The following SGCZ variants were observed in gnomAD, a reference collection of about 807,000 sequenced individuals.
SGCZ encodes sarcoglycan zeta.
Under a neutral mutation model 41.3 loss-of-function variants are expected in SGCZ, and 40 were observed. The observed-to-expected ratio is 0.97, with a 90% CI of 0.75 to 1.26. The LOEUF (loss-of-function observed/expected upper bound fraction) is 1.26, where lower values mean the gene tolerates loss of function less well. Ranked by LOEUF, SGCZ falls within the 50% of genes most tolerant of loss-of-function variation. The probability of loss-of-function intolerance (pLI) is 0.00; values close to 1 mark genes in which losing one functional copy is unlikely to be tolerated. For missense variants in SGCZ, 552 were observed against 369.8 expected, an observed-to-expected ratio of 1.49 and a Z score of -4.04; for synonymous variants, 206 against 137.5, an observed-to-expected ratio of 1.50 and a Z score of -3.49.
At chr8:14,892,439 C>T (rs1283633224) in intron 1 of SGCZ, among the ~76,000 whole-genome samples, 1 of 152,152 alleles carries the variant, frequency 6.6e-6, no homozygotes, top group East Asian at 1.9e-4. Context: ...TAAAGGAACT[C>T]TGTAACATTT....
At chr8:14,501,944 G>C (rs918789998) in intron 2 of SGCZ, among the ~76,000 whole-genome samples, 4 of 151,942 alleles carry the variant, frequency 2.6e-5, no homozygotes, top group South Asian at 2.1e-4. Flanking sequence ...ATTACGCTTA[G>C]AAAAGAAAAT....
intron 1 of SGCZ, among the ~76,000 whole-genome samples, chr8:15,163,634 T>C (rs1799575521): frequency 6.6e-6 from 1 of 152,242 alleles, no homozygotes; most frequent in Non-Finnish European, 1.5e-5. Context: ...AGTAAATTAC[T>C]GCTAAGTTTA....
intron 1 of SGCZ, among the ~76,000 whole-genome samples, chr8:14,849,846 A>C (rs899769365): frequency 6.6e-6 from 1 of 152,150 alleles, no homozygotes; most frequent in Non-Finnish European, 1.5e-5. Flanking sequence ...AAATTATAGC[A>C]CTCCAAGTAC....
chr8:14,135,873 A>G (rs920663457), intron 5 of SGCZ, among the ~76,000 whole-genome samples: 60 of 152,214 alleles, frequency 3.9e-4, no homozygotes, highest in Non-Finnish European at 1.5e-4. Flanking sequence ...CCAAAATACT[A>G]TAGACCCTGG....
At chr8:15,100,185 T>C (rs1485925089) in intron 1 of SGCZ, among the ~76,000 whole-genome samples, 2 of 152,162 alleles carry the variant, frequency 1.3e-5, no homozygotes, top group South Asian at 2.1e-4. Context: ...GATGACTTGA[T>C]TGTCTATGCA....
At chr8:14,397,690 A>G (rs1798957613) in intron 2 of SGCZ, among the ~76,000 whole-genome samples, 1 of 152,166 alleles carries the variant, frequency 6.6e-6, no homozygotes, top group African/African-American at 2.4e-5. Context: ...TCCTGATTCA[A>G]TATGAAGGGC....
In SGCZ at chr8:14,551,746, C is replaced by T. The variant is rs1375768309; in HGVS notation, c.234+2986G>A. Among the ~76,000 whole-genome samples the T allele has an allele frequency of 3.6e-5, 4 of 111,588 alleles. 1 individual carries two copies. In the South Asian group the frequency reaches 7.4e-4, roughly 21 times the overall value. 73.2% of individuals were successfully genotyped at this position (111,588 alleles called of 152,430 possible). ...TCATCCTGTAATATAAAGTCATTTC[C>T]TTTTTTGGTTTTCTACAACTGGGTA... On this transcript the variant is annotated intron_variant, in intron 2 of 7. Coordinates refer to ENST00000382080, the MANE Select transcript of SGCZ (RefSeq NM_139167.4).
intron 4 of SGCZ, among the ~76,000 whole-genome samples, chr8:14,186,053 TC>T (rs1305458067): frequency 6.6e-6 from 1 of 152,200 alleles, no homozygotes; most frequent in Non-Finnish European, 1.5e-5. Flanking sequence ...ATTTATTTTT[TC>T]CTTCTATAAT....
chr8:15,188,955 G>C (rs1034052317), intron 1 of SGCZ, among the ~76,000 whole-genome samples: 2 of 151,982 alleles, frequency 1.3e-5, no homozygotes, highest in African/African-American at 4.8e-5. Flanking sequence ...GCTCCACTTT[G>C]ACATTCATCC....
intron 1 of SGCZ, among the ~76,000 whole-genome samples, chr8:14,792,549 T>C (rs766650856): frequency 6.6e-5 from 10 of 152,064 alleles, no homozygotes; most frequent in Non-Finnish European, 1.2e-4. Flanking sequence ...CATTTTAGCA[T>C]CTTTCTTTTT....
At chr8:14,803,470 C>A (rs181895492) in intron 1 of SGCZ, among the ~76,000 whole-genome samples, 1 of 152,078 alleles carries the variant, frequency 6.6e-6, no homozygotes, top group Non-Finnish European at 1.5e-5. Context: ...GGGTGACAGA[C>A]GGCACCTGGA....
At chr8:14,309,180 C>G in intron 3 of SGCZ, 2 of 1,479,896 alleles carry the variant, frequency 1.4e-6, no homozygotes, top group Non-Finnish European at 1.9e-6. Context: ...AAAAGCAAAA[C>G]TTGGCAAGCA....
intron 1 of SGCZ, among the ~76,000 whole-genome samples, chr8:14,988,916 G>T (rs966487321): frequency 2.0e-5 from 3 of 152,068 alleles, no homozygotes; most frequent in East Asian, 1.9e-4. Flanking sequence ...GGGGAGGGGG[G>T]GCATTGATTA....
chr8:14,374,256 G>C (rs1050477803), intron 2 of SGCZ, among the ~76,000 whole-genome samples: 1 of 152,168 alleles, frequency 6.6e-6, no homozygotes, highest in Non-Finnish European at 1.5e-5. Context: ...GTGCCTGCCT[G>C]TAGTCCCAAC....
At chr8:14,275,881 C>T (rs896422072) in intron 3 of SGCZ, among the ~76,000 whole-genome samples, 2 of 152,148 alleles carry the variant, frequency 1.3e-5, no homozygotes, top group Non-Finnish European at 2.9e-5. Context: ...GAAGACAGAT[C>T]CAGGGTAAAC....
chr8:14,471,772 GTTAAT>G (rs1389548361), intron 2 of SGCZ, among the ~76,000 whole-genome samples: 1 of 152,024 alleles, frequency 6.6e-6, no homozygotes, highest in Non-Finnish European at 1.5e-5. Context: ...CACTCCAAGT[GTTAAT>G]TTAAACATGA....
intron 3 of SGCZ, among the ~76,000 whole-genome samples, chr8:14,290,023 G>C (rs750799864): frequency 6.6e-6 from 1 of 151,760 alleles, no homozygotes; most frequent in African/African-American, 2.4e-5. Flanking sequence ...GCATTATCAC[G>C]AGAACAGCAT....
intron 3 of SGCZ, among the ~76,000 whole-genome samples, chr8:14,299,883 T>C (rs994367510): frequency 2.0e-5 from 3 of 152,032 alleles, no homozygotes; most frequent in Admixed American, 2.0e-4. Flanking sequence ...TTTTGATATA[T>C]TCTTACAATA....
At chr8:14,864,382 A>G (rs1261873712) in intron 1 of SGCZ, among the ~76,000 whole-genome samples, 3 of 152,146 alleles carry the variant, frequency 2.0e-5, no homozygotes, top group African/African-American at 7.2e-5. Context: ...TCTTTTCCAT[A>G]ACCTAGACTT....
Sources: gnomAD v4.1 joint callset for allele counts (sites outside exome capture counted in the v4.1 genomes callset) on GRCh38, gnomAD v4.1.1 for gene constraint, MANE v1.5 for transcripts, NCBI Gene and HGNC (gene_info 2026-07-23, HGNC 2026-07-21) for gene names.